The following HEPACAM2 variants were observed in gnomAD, a reference collection of about 807,000 sequenced individuals.
HEPACAM2 encodes the protein HEPACAM family member 2.
HEPACAM2 carries 49 observed loss-of-function variants against 49.6 expected under a neutral mutation model. The ratio of observed to expected loss-of-function variants is 0.99; its 90% confidence interval spans 0.78 to 1.25. The LOEUF (loss-of-function observed/expected upper bound fraction) is 1.25, where lower values mean the gene tolerates loss of function less well. Among genes scored for constraint, HEPACAM2 ranks in the 50% most tolerant of loss-of-function variants. The pLI, the probability that HEPACAM2 is intolerant of heterozygous loss-of-function variation, is 0.00. For synonymous variants in HEPACAM2, 197 were observed against 202.9 expected (o/e 0.97, Z 0.25); for missense variants, 525 against 557.2 (o/e 0.94, Z 0.58).
Position 93,215,728 on chromosome 7 carries a change from G to A in HEPACAM2, c.431-43C>T, listed in dbSNP as rs768612659. 1.1e-5 allele frequency: 18 copies of A among 1,582,446 alleles called. No individual in the cohort carries two copies. In the Admixed American group the frequency reaches 2.4e-4, roughly 21 times the overall value. ...ATATGAATGATTTTTTCTTTTCATG[G>A]AAATATAATAAAACCCTATGAGGTC... On this transcript the variant is annotated intron_variant, in intron 2 of 9. Transcript: ENST00000394468.
chr7:93,225,270 CA>C (rs1794518756), intron 1 of HEPACAM2, among the ~76,000 whole-genome samples: 1 of 151,808 alleles, frequency 6.6e-6, no homozygotes, highest in Non-Finnish European at 1.5e-5. Flanking sequence ...TTTACTTTTT[CA>C]AAAAATTTTA....
At chr7:93,211,119 A>G (rs1729448550) in intron 3 of HEPACAM2, among the ~76,000 whole-genome samples, 1 of 152,056 alleles carries the variant, frequency 6.6e-6, no homozygotes, top group South Asian at 2.1e-4. Flanking sequence ...TTTCTAAGCT[A>G]TAACAGAAAA....
chr7:93,207,357 G>A (rs1269328344), intron 4 of HEPACAM2, among the ~76,000 whole-genome samples: 2 of 152,046 alleles, frequency 1.3e-5, no homozygotes, highest in Non-Finnish European at 1.5e-5. Context: ...TTTTGCCCAA[G>A]TGGCATTTGA....
At chr7:93,204,448 G>A (rs1425661380) in intron 4 of HEPACAM2, among the ~76,000 whole-genome samples, 5 of 151,976 alleles carry the variant, frequency 3.3e-5, no homozygotes, top group African/African-American at 1.2e-4. Flanking sequence ...TTAAAGTAGG[G>A]ACATCTGCAT....
chr7:93,219,810 A>G (rs1794409953), intron 1 of HEPACAM2, among the ~76,000 whole-genome samples: 1 of 152,246 alleles, frequency 6.6e-6, no homozygotes, highest in Admixed American at 6.5e-5. Context: ...AATGTCTGTC[A>G]TATCATATCA....
At chr7:93,203,758 C>T (rs567252799) in intron 4 of HEPACAM2, among the ~76,000 whole-genome samples, 1 of 152,230 alleles carries the variant, frequency 6.6e-6, no homozygotes, top group Admixed American at 6.5e-5. Flanking sequence ...CCATATGCTA[C>T]CAGTCTGTGT....
chr7:93,223,770 G>A (rs1794492862), intron 1 of HEPACAM2, among the ~76,000 whole-genome samples: 1 of 152,136 alleles, frequency 6.6e-6, no homozygotes, highest in African/African-American at 2.4e-5. Flanking sequence ...AAGAATGTCA[G>A]CAGGGAATGA....
intron 9 of HEPACAM2, among the ~76,000 whole-genome samples, chr7:93,189,620 G>A (rs1165477146): frequency 6.6e-6 from 1 of 151,834 alleles, no homozygotes; most frequent in Admixed American, 6.6e-5. Context: ...AAATAATTGG[G>A]CTGAGTACTA....
chr7:93,216,685 T>G (rs938883597), intron 2 of HEPACAM2, among the ~76,000 whole-genome samples: 3 of 152,218 alleles, frequency 2.0e-5, no homozygotes, highest in African/African-American at 4.8e-5. Context: ...TGAAGAGGGC[T>G]TCACATCTGG....
intron 4 of HEPACAM2, among the ~76,000 whole-genome samples, chr7:93,198,338 C>A (rs1399742113): frequency 2.6e-5 from 4 of 152,018 alleles, no homozygotes; most frequent in Non-Finnish European, 5.9e-5. Flanking sequence ...TTACAACAAT[C>A]CTACCAGGGA....
intron 4 of HEPACAM2, among the ~76,000 whole-genome samples, chr7:93,205,211 G>T (rs1483514668): frequency 2.6e-5 from 4 of 151,988 alleles, no homozygotes; most frequent in Admixed American, 2.6e-4. Flanking sequence ...GATACAAAAA[G>T]GTCAATTAAT....
intron 8 of HEPACAM2, among the ~76,000 whole-genome samples, chr7:93,194,362 C>G (rs561667292): frequency 3.3e-5 from 5 of 152,262 alleles, no homozygotes; most frequent in African/African-American, 1.2e-4. Flanking sequence ...CTTCAGTTTC[C>G]TGCTCTCCAA....
intron 4 of HEPACAM2, among the ~76,000 whole-genome samples, chr7:93,198,054 G>A (rs1408760271): frequency 1.3e-5 from 2 of 151,814 alleles, no homozygotes; most frequent in African/African-American, 4.8e-5. Flanking sequence ...GAGGGGAGGT[G>A]TTCATTTCAA....
At chr7:93,195,691 T>G in intron 8 of HEPACAM2, 137 bp downstream of exon 8, 1 of 664,074 alleles carries the variant, frequency 1.5e-6, no homozygotes, top group East Asian at 2.6e-5. Context: ...CATTACGGAG[T>G]AAGTCAACAC....
At chr7:93,203,005 T>C (rs1793934651) in intron 4 of HEPACAM2, among the ~76,000 whole-genome samples, 1 of 152,136 alleles carries the variant, frequency 6.6e-6, no homozygotes, top group South Asian at 2.1e-4. Context: ...CTTCCTCCAT[T>C]ACTTCCTTAT....
At position 93,188,544 on chromosome 7, in the gene HEPACAM2, A is replaced by G. The variant is rs933650631; in HGVS notation, c.*723T>C. The G allele has an allele frequency of 6.6e-6, 1 of 152,294 alleles. No individual in the cohort carries two copies. Among genetic ancestry groups the G allele is most frequent in the African/African-American group, 2.4e-5 (1 of 41,458 alleles). The allele number at this position is 152,294 out of a possible 1,614,324, so 9.4% of individuals were successfully genotyped here. On this transcript the variant is annotated 3_prime_UTR_variant, in exon 10 of 10. Coordinates refer to ENST00000394468, the MANE Select transcript of HEPACAM2 (RefSeq NM_001039372.4). Reference sequence around the variant, plus strand: ...AACCAACGTCTACAATCTGATTTTTATGTAATATTTTTACTCTACAAGACA... The same window carrying G: ...AACCAACGTCTACAATCTGATTTTTGTGTAATATTTTTACTCTACAAGACA...
At chr7:93,191,758 T>C (rs1018873368) in intron 9 of HEPACAM2, among the ~76,000 whole-genome samples, 8 of 152,022 alleles carry the variant, frequency 5.3e-5, no homozygotes, top group Non-Finnish European at 1.0e-4. Flanking sequence ...CTCAATGGGG[T>C]TCCACTCAAT....
rs530123778 is a variant in HEPACAM2, at chr7:93,210,968, G to T, written c.716-2092C>A. 4.0e-5 allele frequency among the ~76,000 whole-genome samples: 6 copies of T among 151,892 alleles called. No individual in the cohort carries two copies. The South Asian group carries it at 1.2e-3, about 32-fold the overall frequency. ...TTCTTGCCATGCCATTAAAAGTAAA[G>T]GCAAAAACAGTGATTACTTTTGCAC... On this transcript the variant is annotated intron_variant, in intron 3 of 9. Coordinates refer to ENST00000394468, the MANE Select transcript of HEPACAM2 (RefSeq NM_001039372.4).
intron 3 of HEPACAM2, among the ~76,000 whole-genome samples, chr7:93,214,173 G>T (rs934354566): frequency 2.0e-5 from 3 of 152,118 alleles, no homozygotes; most frequent in Non-Finnish European, 2.9e-5. Context: ...ACAAGACCCT[G>T]ATGTTTCATT....
Sources: allele counts gnomAD v4.1 joint callset (sites outside exome capture counted in the v4.1 genomes callset), GRCh38; gene constraint gnomAD v4.1.1; transcripts MANE v1.5; gene names NCBI Gene and HGNC (gene_info 2026-07-23, HGNC 2026-07-21).